The following PLPP3 variants were observed in gnomAD, a reference collection of about 807,000 sequenced individuals.
PLPP3 encodes the protein phospholipid phosphatase 3.
In PLPP3, 6 loss-of-function variants were observed where a neutral mutation model predicts 29.6. The ratio of observed to expected loss-of-function variants is 0.20; its 90% CI spans 0.11 to 0.40. The LOEUF is 0.40. Ranked by LOEUF, PLPP3 falls within the 10% of genes least tolerant of loss-of-function variation. The pLI is 1.00. For synonymous variants in PLPP3, 152 were observed against 159.7 expected, an observed-to-expected ratio of 0.95 and a Z score of 0.36; for missense variants, 308 against 407.7, an observed-to-expected ratio of 0.76 and a Z score of 2.11.
At position 56,578,978 on chromosome 1, in the gene PLPP3, C is replaced by T. The variant is rs1444616372; in HGVS notation, c.39G>A (p.Glu13=). The T allele has an allele frequency of 6.2e-7, 1 of 1,602,590 alleles. No homozygotes were observed. The highest frequency in any genetic ancestry group is 1.4e-5 in the African/African-American group (1 of 73,212). Reference sequence around the variant, plus strand: ...GCGCCGGGCTGCCGCCGTTCTTGCTCTCCGGGACGATCGCTTTGTCGTACT... The same window carrying T: ...GCGCCGGGCTGCCGCCGTTCTTGCTTTCCGGGACGATCGCTTTGTCGTACT... The part of the protein sequence containing the change: ...NYKYDKAIVP[E]SKNGGSPALN... The change falls in exon 1 of 6, where the codon GAG becomes GAA. Residue 13 remains glutamate, a synonymous_variant. Coordinates refer to ENST00000371250, the MANE Select transcript of PLPP3 (RefSeq NM_003713.5).
In PLPP3 at chr1:56,579,193, G is replaced by A. The variant is rs965125516; in HGVS notation, c.-177C>T. ...GGGCTGCCTGCCTCCAACTGCAGAA[G>A]GTGGTGTTTTCTGCTCCTCCTGCGC... On this transcript the variant is annotated 5_prime_UTR_variant, in exon 1 of 6. Transcript: ENST00000371250. 2.8e-6 allele frequency: 2 copies of A among 726,750 alleles called. No homozygotes were observed. The highest frequency in any genetic ancestry group is 4.2e-6 in the Non-Finnish European group (2 of 475,384). 45.0% of individuals were successfully genotyped at this position (726,750 alleles called of 1,614,324 possible). A position where few individuals can be genotyped will look rare whatever the true frequency, so the allele number is the denominator to read the frequency against.
At chr1:56,513,680 GA>G (rs1266278558) in intron 4 of PLPP3, 1 of 152,080 alleles carries the variant, frequency 6.6e-6, no homozygotes, top group Non-Finnish European at 1.5e-5. Context: ...TAATCATTTT[GA>G]AATTATAAAA....
At chr1:56,571,771 C>T (rs1220732111) in intron 1 of PLPP3, among the ~76,000 whole-genome samples, 1 of 141,404 alleles carries the variant, frequency 7.1e-6, no homozygotes, top group Non-Finnish European at 1.5e-5. Context: ...GCATTAATTG[C>T]AATCAATTAA....
chr1:56,511,954 T>A, intron 5 of PLPP3, 22 bp downstream of exon 5: 1 of 1,612,592 alleles, frequency 6.2e-7, no homozygotes. Flanking sequence ...CACTTGCATA[T>A]TGAGGACAAG....
At chr1:56,535,197 G>A (rs952313651) in intron 2 of PLPP3, among the ~76,000 whole-genome samples, 8 of 152,144 alleles carry the variant, frequency 5.3e-5, no homozygotes, top group Admixed American at 5.2e-4. Context: ...GGCACCATAA[G>A]GTTAATTTGC....
intron 4 of PLPP3, among the ~76,000 whole-genome samples, chr1:56,514,501 A>T (rs1296592053): frequency 2.0e-5 from 3 of 152,176 alleles, no homozygotes; most frequent in Non-Finnish European, 4.4e-5. Flanking sequence ...AAACTAAGCA[A>T]CCCAGACCTT....
chr1:56,526,744 A>G (rs6690245), intron 2 of PLPP3, among the ~76,000 whole-genome samples: 14,363 of 152,158 alleles, frequency 0.094, 1,528 homozygotes, highest in African/African-American at 0.25. Context: ...CTGCAATGAC[A>G]TTTATTCTCA....
At chr1:56,536,577 A>G (rs570463912) in intron 2 of PLPP3, among the ~76,000 whole-genome samples, 1 of 152,322 alleles carries the variant, frequency 6.6e-6, no homozygotes, top group South Asian at 2.1e-4. Flanking sequence ...AGCAGCTTAC[A>G]TTTGATCCAG....
At position 56,579,386 on chromosome 1, in the gene PLPP3, C is replaced by T. The variant is rs1009521749; in HGVS notation, c.-370G>A. ...GGCAGCGCGGGCGCTCGGCCACCTT[C>T]CTCCGCAGCTGGTTCCTTAATGAAT... On this transcript the variant is annotated 5_prime_UTR_variant, in exon 1 of 6. Transcript: ENST00000371250. 3.9e-6 allele frequency: 1 copy of T among 256,390 alleles called. No homozygotes were observed. The highest frequency in any genetic ancestry group is 7.5e-6 in the Non-Finnish European group (1 of 133,602). 15.9% of individuals were successfully genotyped at this position (256,390 alleles called of 1,614,324 possible).
chr1:56,502,301 T>C (rs763556597), intron 5 of PLPP3, among the ~76,000 whole-genome samples: 4 of 152,186 alleles, frequency 2.6e-5, no homozygotes, highest in Non-Finnish European at 4.4e-5. Flanking sequence ...TGAGCTAAAA[T>C]GCTAGCAAAG....
chr1:56,531,557 G>A (rs766968352), intron 2 of PLPP3, among the ~76,000 whole-genome samples: 18 of 152,328 alleles, frequency 1.2e-4, no homozygotes, highest in African/African-American at 1.9e-4. Context: ...CATCTGCCCA[G>A]TGGTCTAGAT....
Position 56,512,014 on chromosome 1 carries a change from C to A in PLPP3, c.772G>T (p.Ala258Ser), listed in dbSNP as rs1167794110. 6.2e-7 allele frequency: 1 copy of A among 1,613,312 alleles called. No homozygotes were observed. ...ACCAGGGCTCCTTGAGCAAATCCTGCCAGAACATCACTGGGATGGTGCTTG... is the reference window on the plus strand; with the variant it reads ...ACCAGGGCTCCTTGAGCAAATCCTGACAGAACATCACTGGGATGGTGCTTG... The part of the protein sequence containing the change: ...DHKHHPSDVL[A>S]GFAQGALVAC... Residue 258 changes from alanine (A) to serine (S), a missense_variant, in exon 5 of 6, where the codon GCA becomes TCA. By Grantham distance (99) the Ala-to-Ser change is moderately conservative. This residue lies in a region of PLPP3 where 232 missense variants were observed against 317.2 expected (regional missense o/e 0.73). Coordinates refer to ENST00000371250, the MANE Select transcript of PLPP3 (RefSeq NM_003713.5).
intron 1 of PLPP3, among the ~76,000 whole-genome samples, chr1:56,570,776 CTT>C (rs1478522043): frequency 6.6e-6 from 1 of 152,118 alleles, no homozygotes; most frequent in Non-Finnish European, 1.5e-5. Context: ...AAAGCAAAAA[CTT>C]TGAAAACATG....
In PLPP3 at chr1:56,578,785, C is replaced by G. The variant is rs1646255797; in HGVS notation, c.139+93G>C. On this transcript the variant is annotated intron_variant, in intron 1 of 5. Coordinates refer to ENST00000371250, the MANE Select transcript of PLPP3 (RefSeq NM_003713.5). ...GGGCCCCCCGGAGCTGACGGCGCGG[C>G]GCGGCGCGGCGCTGCGCGGCCCCGG... The G allele has an allele frequency of 3.2e-6, 4 of 1,237,874 alleles. No homozygotes were observed. In the East Asian group the frequency reaches 1.0e-4, roughly 32 times the overall value. The allele number at this position is 1,237,874 out of a possible 1,614,324, so 76.7% of individuals were successfully genotyped here.
At chr1:56,506,194 A>G (rs780433780) in intron 5 of PLPP3, among the ~76,000 whole-genome samples, 1 of 152,170 alleles carries the variant, frequency 6.6e-6, no homozygotes, top group Non-Finnish European at 1.5e-5. Context: ...ATCCATGGCT[A>G]AGCATGCTTG....
intron 4 of PLPP3, among the ~76,000 whole-genome samples, chr1:56,515,045 T>C (rs2100236706): frequency 6.6e-6 from 1 of 152,308 alleles, no homozygotes; most frequent in East Asian, 1.9e-4. Flanking sequence ...TGGCCTTCCC[T>C]CAGCTATTCT....
intron 1 of PLPP3, 80 bp downstream of exon 1, chr1:56,578,798 T>TGCGCGGCCCC (rs1646256070): frequency 1.2e-5 from 16 of 1,298,294 alleles, no homozygotes; most frequent in Admixed American, 4.3e-5. Flanking sequence ...GGCGCGGCGC[T>TGCGCGGCCCC]GCGCGGCCCC....
At chr1:56,572,204 G>A (rs567112968) in intron 1 of PLPP3, among the ~76,000 whole-genome samples, 1 of 151,660 alleles carries the variant, frequency 6.6e-6, no homozygotes, top group South Asian at 2.1e-4. Flanking sequence ...CACACACCAC[G>A]ATGCCCGGCT....
rs571311232 is a variant in PLPP3 at position 56,510,566 on chromosome 1, C to T, written c.810+1410G>A. 3.3e-5 allele frequency among the ~76,000 whole-genome samples: 5 copies of T among 152,336 alleles called. No homozygotes were observed. The South Asian group carries it at 1.0e-3, about 32-fold the overall frequency. On this transcript the variant is annotated intron_variant, in intron 5 of 5. Coordinates refer to ENST00000371250, the MANE Select transcript of PLPP3 (RefSeq NM_003713.5). The stretch of plus-strand genomic sequence containing the variant: ...CTTCCCTGCCTGCTGAAGCCCCCTA[C>T]ACATGTCACTATGACAGCCCCCACA...
Sources: allele counts gnomAD v4.1 joint callset (sites outside exome capture counted in the v4.1 genomes callset), GRCh38; gene constraint gnomAD v4.1.1; regional missense constraint gnomAD v4.1.1; transcripts MANE v1.5; gene names NCBI Gene and HGNC (gene_info 2026-07-23, HGNC 2026-07-21).